NARF: variants seen among roughly 807,000 people sequenced by gnomAD.
NARF encodes the protein iron-only hydrogenase-like protein 2.
A neutral mutation model predicts 48.0 loss-of-function variants in NARF; 41 were observed. The observed-to-expected ratio is 0.85, with a 90% CI of 0.66 to 1.11. The LOEUF is 1.11. Ranked by LOEUF, NARF falls within the 50% of genes least tolerant of loss-of-function variation. The probability of loss-of-function intolerance (pLI) is 0.00; values close to 1 mark genes in which losing one functional copy is unlikely to be tolerated. For missense variants in NARF, 613 were observed against 590.2 expected (o/e 1.04, Z -0.40); for synonymous variants, 215 against 225.5 (o/e 0.95, Z 0.42).
In NARF at chr17:82,488,191, C is replaced by T. The variant is rs1034868473; in HGVS notation, c.*34C>T. On this transcript the variant is annotated 3_prime_UTR_variant, in exon 11 of 11. Coordinates refer to ENST00000309794, the MANE Select transcript of NARF (RefSeq NM_012336.4). ...CAGGGCCTTCCAGCTGCTCTTGGGG[C>T]CAGAGCCAAGAGCCTCTCAGTAGAG... The T allele has an allele frequency of 1.9e-6, 3 of 1,603,816 alleles. No homozygotes were observed. The highest frequency in any genetic ancestry group is 2.7e-5 in the African/African-American group (2 of 74,838).
intron 3 of NARF, among the ~76,000 whole-genome samples, chr17:82,466,855 A>G (rs1054593656): frequency 2.6e-5 from 4 of 150,982 alleles, no homozygotes; most frequent in Non-Finnish European, 5.9e-5. Context: ...ATATTGATAG[A>G]TGTGCATCCA....
Position 82,488,379 on chromosome 17 carries a change from T to TA in NARF, c.*222_*223insA. The TA allele has an allele frequency of 1.6e-6, 1 of 626,482 alleles. No individual in the cohort carries two copies. Among genetic ancestry groups the TA allele is most frequent in the Non-Finnish European group, 2.5e-6 (1 of 400,924 alleles). 38.8% of individuals were successfully genotyped at this position (626,482 alleles called of 1,614,324 possible). ...AGGTGTGGGATTGGAACTTTTTTTTTCTTTTTTTTTTTTTGAGACGGAGTC... is the reference window on the plus strand; with the variant it reads ...AGGTGTGGGATTGGAACTTTTTTTTTACTTTTTTTTTTTTTGAGACGGAGTC... On this transcript the variant is annotated 3_prime_UTR_variant, in exon 11 of 11. Coordinates refer to ENST00000309794, the MANE Select transcript of NARF (RefSeq NM_012336.4).
chr17:82,487,652 G>A (rs2044125624), intron 10 of NARF, among the ~76,000 whole-genome samples: 1 of 152,070 alleles, frequency 6.6e-6, no homozygotes, highest in Non-Finnish European at 1.5e-5. Context: ...TTCCCTGTGA[G>A]GCAAAACTTC....
At chr17:82,458,688 G>A, upstream of NARF, 2 of 1,344,512 alleles carry the variant, frequency 1.5e-6, no homozygotes, top group Admixed American at 3.8e-5. Flanking sequence ...GCCGTTGGGG[G>A]TGAGGCCGCG....
chr17:82,464,594 C>G (rs367716231), intron 3 of NARF, among the ~76,000 whole-genome samples, 164 bp downstream of exon 3: 9 of 152,218 alleles, frequency 5.9e-5, no homozygotes, highest in African/African-American at 2.2e-4. Context: ...ACCTCTCCAT[C>G]AAGAGCAAAA....
chr17:82,467,737 C>G (rs2043603877), intron 3 of NARF, among the ~76,000 whole-genome samples: 1 of 152,146 alleles, frequency 6.6e-6, no homozygotes, highest in Non-Finnish European at 1.5e-5. Context: ...CTCCTGACCT[C>G]AAATGATCCG....
intron 6 of NARF, among the ~76,000 whole-genome samples, chr17:82,479,570 A>C (rs2043912981): frequency 6.6e-6 from 1 of 152,142 alleles, no homozygotes; most frequent in Non-Finnish European, 1.5e-5. Context: ...AAGGGACCCT[A>C]ATCCCATGGT....
Position 82,458,779 on chromosome 17 carries a change from C to T in NARF, c.-25C>T, listed in dbSNP as rs757559902. The T allele has an allele frequency of 1.0e-5, 15 of 1,461,404 alleles. No homozygotes were observed. The highest frequency in any genetic ancestry group is 2.8e-5 in the East Asian group (1 of 36,168). The allele number at this position is 1,461,404 out of a possible 1,614,324, so 90.5% of individuals were successfully genotyped here. A position where few individuals can be genotyped will look rare whatever the true frequency, so the allele number is the denominator to read the frequency against. On this transcript the variant is annotated 5_prime_UTR_variant, in exon 1 of 11. Transcript: ENST00000309794. ...GGTGCTTCCCTGAGGCTGAGGCGCC[C>T]GGCCTCCCGCCCGCCGCGCTCCAGA...
chr17:82,471,767 G>T (rs2043712290), intron 4 of NARF, among the ~76,000 whole-genome samples: 1 of 116,876 alleles, frequency 8.6e-6, no homozygotes, highest in Admixed American at 1.1e-4. Context: ...AGTCCAGCTT[G>T]CGCGAAAGAG....
upstream of NARF, chr17:82,458,440 GGCCGCCGCC>G (rs565978884): frequency 3.5e-4 from 83 of 237,126 alleles, no homozygotes; most frequent in Non-Finnish European, 6.6e-4. Context: ...AACGCCGCTT[GGCCGCCGCC>G]GCCGCCGCAG....
chr17:82,476,299 G>A (rs1233676736), intron 5 of NARF, among the ~76,000 whole-genome samples: 1 of 151,344 alleles, frequency 6.6e-6, no homozygotes, highest in Non-Finnish European at 1.5e-5. Context: ...TTGCCACCAT[G>A]CCCGGCTAAT....
At chr17:82,459,020 G>C in intron 1 of NARF, 190 bp downstream of exon 1, 1 of 1,209,552 alleles carries the variant, frequency 8.3e-7, no homozygotes, top group South Asian at 4.2e-5. Flanking sequence ...TGCAGGGCGG[G>C]TTCGGTCTTC....
At chr17:82,469,002 C>G in intron 4 of NARF, 106 bp downstream of exon 4, 8 of 1,267,868 alleles carry the variant, frequency 6.3e-6, no homozygotes, top group Non-Finnish European at 8.7e-6. Flanking sequence ...TAAGCAACTT[C>G]CAAAAGAGTC....
chr17:82,467,687 T>G (rs1160435097), intron 3 of NARF, among the ~76,000 whole-genome samples: 3 of 151,948 alleles, frequency 2.0e-5, no homozygotes, highest in Non-Finnish European at 2.9e-5. Flanking sequence ...GTATTTTTAG[T>G]AGAGATGGGT....
In NARF at chr17:82,485,569, C is replaced by A. The variant is rs9912407; in HGVS notation, c.1044C>A (p.Gly348=). Residue 348 remains glycine (G), a synonymous_variant, in exon 10 of 11, where the codon GGC becomes GGA. Transcript: ENST00000309794. ...TGTTACGCTTTGCTGCAGCCTATGG[C>A]TTTCGAAACATCCAGAACATGATCC... ...EVVLRFAAAY[G]FRNIQNMILK... 2.1e-4 allele frequency: 341 copies of A among 1,614,218 alleles called. No individual in the cohort carries two copies. In the African/African-American group the frequency reaches 4.1e-3, roughly 19 times the overall value.
rs757452317 is a variant in NARF, at chr17:82,472,544, T to C, written c.386-20T>C. ...CTTTTAGTACGTGATTTAAGCTGAA[T>C]ATGCTCCTCTCTCCTGCAGGGGTGC... On this transcript the variant is annotated intron_variant, in intron 4 of 10. Coordinates refer to ENST00000309794, the MANE Select transcript of NARF (RefSeq NM_012336.4). 1.6e-5 allele frequency: 25 copies of C among 1,589,182 alleles called. No homozygotes were observed. Among genetic ancestry groups the C allele is most frequent in the Non-Finnish European group, 2.1e-5 (24 of 1,168,546 alleles).
intron 1 of NARF, 145 bp from the exon 2 acceptor site, chr17:82,459,847 T>G: frequency 3.3e-6 from 2 of 611,570 alleles, no homozygotes; most frequent in Non-Finnish European, 5.4e-6. Flanking sequence ...CCAGCCTGGG[T>G]GAGAGCGAGA....
chr17:82,474,707 G>A (rs538523933), intron 5 of NARF, among the ~76,000 whole-genome samples: 4 of 152,270 alleles, frequency 2.6e-5, no homozygotes, highest in East Asian at 1.9e-4. Flanking sequence ...CATTGACATC[G>A]TGGTTGCTTA....
chr17:82,484,012 T>C (rs924915896), intron 8 of NARF: 40 of 529,674 alleles, frequency 7.6e-5, no homozygotes, highest in Non-Finnish European at 1.1e-4. Context: ...ATGGTGTGAT[T>C]GCCACCCTAA....
Sources: gnomAD v4.1 joint callset for allele counts (sites outside exome capture counted in the v4.1 genomes callset) on GRCh38, gnomAD v4.1.1 for gene constraint, MANE v1.5 for transcripts, NCBI Gene and HGNC (gene_info 2026-07-23, HGNC 2026-07-21) for gene names.